Variants in TTC1 observed in about 807,000 individuals in gnomAD.
TTC1 encodes the protein tetratricopeptide repeat protein 1.
In TTC1, 31 loss-of-function variants were observed where a neutral mutation model predicts 37.6. The observed-to-expected ratio is 0.82, with a 90% CI of 0.62 to 1.11. The LOEUF is 1.11. Among genes scored for constraint, TTC1 ranks in the 50% most tolerant of loss-of-function variants. TTC1 has a pLI of 0.00. For missense variants in TTC1, 351 were observed against 339.0 expected (o/e 1.04, Z -0.28); for synonymous variants, 127 against 122.4 (o/e 1.04, Z -0.25).
intron 7 of TTC1, among the ~76,000 whole-genome samples, chr5:160,058,524 C>T (rs533330086): frequency 6.6e-6 from 1 of 151,676 alleles, no homozygotes; most frequent in Admixed American, 6.6e-5. Flanking sequence ...CATTCTCCTG[C>T]CTCAGCCTCC....
intron 3 of TTC1, 28 bp from the exon 4 acceptor site, chr5:160,036,663 G>A (rs1306134226): frequency 2.1e-6 from 3 of 1,455,660 alleles, no homozygotes; most frequent in Non-Finnish European, 2.9e-6. Context: ...AAATCAAAAT[G>A]ACCATTCATC....
chr5:160,019,580 CTTTTTTTTT>C lies in TTC1; in HGVS notation c.330+8737_330+8745del, dbSNP rs201420281. Reference sequence around the variant, plus strand: ...TTTGTTGTTTCCCTTTTCTTTCATTCTTTTTTTTTTTTTTTTTTTTTTTGAGATGGATAT... The same window carrying C: ...TTTGTTGTTTCCCTTTTCTTTCATTCTTTTTTTTTTTTTTGAGATGGATAT... On this transcript the variant is annotated intron_variant, in intron 2 of 7. Coordinates refer to ENST00000231238, the MANE Select transcript of TTC1 (RefSeq NM_003314.3). 4.6e-4 allele frequency among the ~76,000 whole-genome samples: 50 copies of C among 108,732 alleles called. No homozygotes were observed. In the Admixed American group the frequency reaches 4.8e-3, roughly 10 times the overall value. 71.3% of individuals were successfully genotyped at this position (108,732 alleles called of 152,430 possible). A position where few individuals can be genotyped will look rare whatever the true frequency, so the allele number is the denominator to read the frequency against.
intron 2 of TTC1, 39 bp from the exon 3 acceptor site, chr5:160,035,101 A>C (rs1395777452): frequency 1.3e-6 from 2 of 1,545,384 alleles, no homozygotes; most frequent in African/African-American, 2.8e-5. Flanking sequence ...ACTTATAATA[A>C]TATTGTGAGA....
At chr5:160,052,056 G>GTC (rs1388524043) in intron 7 of TTC1, among the ~76,000 whole-genome samples, 1 of 152,222 alleles carries the variant, frequency 6.6e-6, no homozygotes, top group Admixed American at 6.5e-5. Context: ...TTGATTGAGA[G>GTC]GAGGCCATTA....
At chr5:160,010,047 G>A (rs1050835033) in intron 1 of TTC1, among the ~76,000 whole-genome samples, 2 of 152,080 alleles carry the variant, frequency 1.3e-5, no homozygotes, top group African/African-American at 4.8e-5. Context: ...AACAGAACAC[G>A]AACGGTGGAA....
At chr5:160,013,180 A>G (rs191870583) in intron 2 of TTC1, among the ~76,000 whole-genome samples, 7 of 152,336 alleles carry the variant, frequency 4.6e-5, no homozygotes, top group East Asian at 3.9e-4. Context: ...GAAACAACCT[A>G]TAAGAGTGCA....
At chr5:160,052,075 T>C (rs919646829) in intron 7 of TTC1, among the ~76,000 whole-genome samples, 1 of 152,220 alleles carries the variant, frequency 6.6e-6, no homozygotes, top group Non-Finnish European at 1.5e-5. Flanking sequence ...TAACCTAGAC[T>C]ATCCAGAGAC....
chr5:160,035,195 A>C lies in TTC1; in HGVS notation c.386A>C (p.Lys129Thr). ...GAGGAGGGAAATGAACAGTTTAAGA[A>C]AGGAGGTAAGACGACTTTCAGCACT... ...LKEEGNEQFK[K>T]GDYIEAESSY... is the part of the protein sequence containing the mutation. Residue 129 changes from lysine (K) to threonine (T), a missense_variant, in exon 3 of 8, where the codon AAA (lysine) becomes ACA (threonine). Transcript: ENST00000231238. 1.2e-6 allele frequency: 2 copies of C among 1,605,794 alleles called. No homozygotes were observed. The highest frequency in any genetic ancestry group is 1.7e-6 in the Non-Finnish European group (2 of 1,176,884).
At chr5:160,038,390 G>T (rs1757031199) in intron 4 of TTC1, among the ~76,000 whole-genome samples, 1 of 152,172 alleles carries the variant, frequency 6.6e-6, no homozygotes, top group South Asian at 2.1e-4. Flanking sequence ...TAGGATCAAG[G>T]ATGTGCCTTC....
At chr5:160,048,416 A>G (rs571508833) in intron 5 of TTC1, among the ~76,000 whole-genome samples, 2 of 152,104 alleles carry the variant, frequency 1.3e-5, no homozygotes, top group African/African-American at 4.8e-5. Flanking sequence ...CGGCCTCCCA[A>G]AGTGCTGGGA....
chr5:160,032,838 T>G (rs1339958574), intron 2 of TTC1, among the ~76,000 whole-genome samples: 1 of 149,846 alleles, frequency 6.7e-6, no homozygotes. Context: ...CTCAGACTCC[T>G]GAGTAGCTGG....
chr5:160,023,013 TG>T (rs1253968438), intron 2 of TTC1, among the ~76,000 whole-genome samples: 1 of 152,240 alleles, frequency 6.6e-6, no homozygotes, highest in East Asian at 1.9e-4. Flanking sequence ...CCCAACACTT[TG>T]GGAGGCCGAG....
In TTC1 at chr5:160,019,533, C is replaced by T. The variant is rs72810128; in HGVS notation, c.330+8675C>T. On this transcript the variant is annotated intron_variant, in intron 2 of 7. Coordinates refer to ENST00000231238, the MANE Select transcript of TTC1 (RefSeq NM_003314.3). ...ATAGTGGCCTGCATAGTCCTGTTAA[C>T]GTCATGAGCAACCTTTCTGATTTTG... Among the ~76,000 whole-genome samples, 479 of 151,280 alleles carry T rather than the reference C, an allele frequency of 3.2e-3. 1 individual carries two copies. The highest frequency in any genetic ancestry group is 7.2e-3 in the African/African-American group (298 of 41,240).
At position 160,036,702 on chromosome 5, in the gene TTC1, G is replaced by T; in HGVS notation, c.403G>T (p.Ala135Ser). 1.9e-6 allele frequency: 3 copies of T among 1,611,468 alleles called. No homozygotes were observed. The highest frequency in any genetic ancestry group is 2.5e-6 in the Non-Finnish European group (3 of 1,177,662). Residue 135 changes from alanine to serine, a missense_variant, in exon 4 of 8, where the codon GCT becomes TCT. Physicochemically the swap from Ala to Ser is moderately conservative, Grantham distance 99. Coordinates refer to ENST00000231238, the MANE Select transcript of TTC1 (RefSeq NM_003314.3). ...EQFKKGDYIE[A>S]ESSYSRALEM... ...TCTCTTATCCTCAGATTATATAGAA[G>T]CTGAAAGTTCTTATAGTCGAGCCCT...
At chr5:160,040,089 C>G (rs1362957618) in intron 4 of TTC1, among the ~76,000 whole-genome samples, 2 of 152,156 alleles carry the variant, frequency 1.3e-5, no homozygotes, top group Non-Finnish European at 2.9e-5. Context: ...TATGGTATAA[C>G]CTATTGCTCC....
At chr5:160,053,548 A>C (rs1404095069) in intron 7 of TTC1, among the ~76,000 whole-genome samples, 5 of 152,130 alleles carry the variant, frequency 3.3e-5, no homozygotes, top group African/African-American at 4.8e-5. Flanking sequence ...TGGGTGACAG[A>C]GTGAGACCTT....
At chr5:160,032,461 G>A (rs375931391) in intron 2 of TTC1, among the ~76,000 whole-genome samples, 4 of 152,108 alleles carry the variant, frequency 2.6e-5, no homozygotes, top group South Asian at 2.1e-4. Context: ...CTTGTGTTGT[G>A]ATCTTGTTGA....
intron 7 of TTC1, among the ~76,000 whole-genome samples, chr5:160,055,371 A>G (rs1757516163): frequency 6.6e-6 from 1 of 152,234 alleles, no homozygotes; most frequent in African/African-American, 2.4e-5. Flanking sequence ...TACTTTTCAC[A>G]TTGTCTAACG....
chr5:160,029,473 C>G (rs925884523), intron 2 of TTC1, among the ~76,000 whole-genome samples: 1 of 133,688 alleles, frequency 7.5e-6, no homozygotes, highest in African/African-American at 3.0e-5. Flanking sequence ...GAGACCCCCC[C>G]ATCTCTACAA....
Sources: gnomAD v4.1 joint callset for allele counts (sites outside exome capture counted in the v4.1 genomes callset) on GRCh38, gnomAD v4.1.1 for gene constraint, MANE v1.5 for transcripts, NCBI Gene and HGNC (gene_info 2026-07-23, HGNC 2026-07-21) for gene names.